BNC2: variants seen among roughly 807,000 people sequenced by gnomAD.
BNC2 encodes the protein zinc finger protein basonuclin-2.
In BNC2, 20 loss-of-function variants were observed where a neutral mutation model predicts 76.3. That is an observed-to-expected ratio of 0.26 (90% CI 0.18 to 0.38). The LOEUF (loss-of-function observed/expected upper bound fraction) is 0.38, where lower values mean the gene tolerates loss of function less well. Ranked by LOEUF, BNC2 falls within the 10% of genes least tolerant of loss-of-function variation. The probability of loss-of-function intolerance (pLI) is 1.00; values close to 1 mark genes in which losing one functional copy is unlikely to be tolerated. For missense variants in BNC2, 1,382 were observed against 1,399.8 expected (o/e 0.99, Z 0.20); for synonymous variants, 582 against 514.8 (o/e 1.13, Z -1.77).
intron 3 of BNC2, among the ~76,000 whole-genome samples, chr9:16,639,032 G>A (rs1821409512): frequency 6.6e-6 from 1 of 152,018 alleles, no homozygotes; most frequent in African/African-American, 2.4e-5. Context: ...CAAGGTTTAA[G>A]AAACTCTCAT....
chr9:16,644,647 A>C (rs1821575525), intron 3 of BNC2, among the ~76,000 whole-genome samples: 1 of 152,206 alleles, frequency 6.6e-6, no homozygotes, highest in Admixed American at 6.5e-5. Flanking sequence ...AGATGAAAGG[A>C]AAGATGTAAT....
At chr9:16,836,821 T>A (rs1818718589) in intron 1 of BNC2, among the ~76,000 whole-genome samples, 1 of 152,046 alleles carries the variant, frequency 6.6e-6, no homozygotes, top group Non-Finnish European at 1.5e-5. Flanking sequence ...AAGAAAAATA[T>A]ATAGGCAAAT....
intron 5 of BNC2, among the ~76,000 whole-genome samples, chr9:16,498,202 CCA>C (rs1822439205): frequency 1.6e-5 from 2 of 124,130 alleles, no homozygotes; most frequent in Non-Finnish European, 1.6e-5. Flanking sequence ...TATATATATT[CCA>C]TCATATATAT....
intron 1 of BNC2, among the ~76,000 whole-genome samples, chr9:16,759,802 C>A (rs975808187): frequency 6.6e-6 from 1 of 151,804 alleles, no homozygotes; most frequent in Non-Finnish European, 1.5e-5. Context: ...CGGCTCACTG[C>A]CTGCTCCGCC....
rs10962462 is a variant in BNC2, at chr9:16,504,058, T to C, written c.669+48472A>G. 8.7e-3 allele frequency among the ~76,000 whole-genome samples: 1,331 copies of C among 152,242 alleles called. 19 individuals are homozygous for C. The highest frequency in any genetic ancestry group is 0.03 in the African/African-American group (1,240 of 41,536). ...ACCTACAGGCAAGTCGGAATCCATA[T>C]GGCAAATTTAAGCAAAAACACATCA... On this transcript the variant is annotated intron_variant, in intron 5 of 6. Coordinates refer to ENST00000380672, the MANE Select transcript of BNC2 (RefSeq NM_017637.6).
intron 1 of BNC2, among the ~76,000 whole-genome samples, chr9:16,823,579 G>C (rs756726507): frequency 6.6e-6 from 1 of 151,604 alleles, no homozygotes; most frequent in Non-Finnish European, 1.5e-5. Context: ...CTCTAGCCTG[G>C]GCAACAGAGT....
intron 3 of BNC2, among the ~76,000 whole-genome samples, chr9:16,700,828 G>T (rs72706007): frequency 0.028 from 4,309 of 152,144 alleles, 74 homozygotes; most frequent in Middle Eastern, 0.082. Flanking sequence ...TTAACTGAGC[G>T]TGGTGGCACA....
At chr9:16,844,718 C>G (rs1391520693) in intron 1 of BNC2, among the ~76,000 whole-genome samples, 4 of 152,046 alleles carry the variant, frequency 2.6e-5, no homozygotes, top group Admixed American at 6.6e-5. Flanking sequence ...AGGCTGGTCT[C>G]GGACTCCTTA....
chr9:16,440,231 A>C (rs1821098143), intron 5 of BNC2, among the ~76,000 whole-genome samples: 1 of 152,166 alleles, frequency 6.6e-6, no homozygotes, highest in Admixed American at 6.5e-5. Flanking sequence ...CCAGGAGTTG[A>C]ACACAAAAAT....
rs145441986 is a variant in BNC2 at position 16,546,470 on chromosome 9, A to G, written c.669+6060T>C. ...AGCTGAAATCTTACTAACTAGGTAC[A>G]AAACCTTTGTTTTTATGCTCAACTA... is the stretch of plus-strand genomic sequence containing the variant. On this transcript the variant is annotated intron_variant, in intron 5 of 6. Transcript: ENST00000380672. Among the ~76,000 whole-genome samples, 3 of 152,288 alleles carry G rather than the reference A, an allele frequency of 2.0e-5. No homozygotes were observed. The East Asian group carries it at 5.8e-4, about 29-fold the overall frequency.
intron 3 of BNC2, among the ~76,000 whole-genome samples, chr9:16,585,296 C>T (rs1819737791): frequency 6.6e-6 from 1 of 152,040 alleles, no homozygotes; most frequent in Non-Finnish European, 1.5e-5. Context: ...ATTTTGTCTT[C>T]CTAAATAACT....
chr9:16,543,754 C>T (rs959054931), intron 5 of BNC2, among the ~76,000 whole-genome samples: 2 of 152,212 alleles, frequency 1.3e-5, no homozygotes, highest in South Asian at 2.1e-4. Flanking sequence ...CTGTATTCCA[C>T]TTCCAGCTTT....
intron 3 of BNC2, among the ~76,000 whole-genome samples, chr9:16,597,984 G>C (rs1000099579): frequency 6.6e-6 from 1 of 152,072 alleles, no homozygotes; most frequent in Non-Finnish European, 1.5e-5. Flanking sequence ...CTCAGTCCAG[G>C]TATATGTGCT....
intron 5 of BNC2, among the ~76,000 whole-genome samples, chr9:16,445,576 A>C (rs1821215489): frequency 1.3e-5 from 2 of 152,092 alleles, no homozygotes; most frequent in Non-Finnish European, 2.9e-5. Flanking sequence ...ATTTTGCAGA[A>C]TTTCTCAACA....
chr9:16,684,429 G>A (rs1009362245), intron 3 of BNC2, among the ~76,000 whole-genome samples: 4 of 152,032 alleles, frequency 2.6e-5, no homozygotes, highest in African/African-American at 4.8e-5. Context: ...CAGAGCTCAG[G>A]TGGTCTTCCC....
At chr9:16,531,421 G>C (rs1425336018) in intron 5 of BNC2, among the ~76,000 whole-genome samples, 1 of 151,488 alleles carries the variant, frequency 6.6e-6, no homozygotes, top group Non-Finnish European at 1.5e-5. Flanking sequence ...AAAAAACCAA[G>C]CGAGAGAGGG....
At chr9:16,716,660 C>T (rs1720991257) in intron 3 of BNC2, among the ~76,000 whole-genome samples, 2 of 152,168 alleles carry the variant, frequency 1.3e-5, no homozygotes, top group Admixed American at 1.3e-4. Flanking sequence ...TACTACAGTA[C>T]AGAAATGCTT....
Position 16,426,751 on chromosome 9 carries a change from C to T in BNC2, c.2640-7102G>A, listed in dbSNP as rs557540460. Among the ~76,000 whole-genome samples the T allele has an allele frequency of 2.0e-5, 3 of 151,302 alleles. No homozygotes were observed. In the East Asian group the frequency reaches 5.8e-4, roughly 29 times the overall value. On this transcript the variant is annotated intron_variant, in intron 6 of 6. Transcript: ENST00000380672. ...TACTAAATGTTTTAATATTTAGAAA[C>T]GGATGATTTTTGTGAAGTTCTTTTT...
At chr9:16,743,955 A>AGTTT (rs111863200) in intron 1 of BNC2, among the ~76,000 whole-genome samples, 32,823 of 150,522 alleles carry the variant, frequency 0.22, 5,206 homozygotes, top group African/African-American at 0.43. Flanking sequence ...TACAGACTGC[A>AGTTT]GTTTGTTTGT....
Sources: gnomAD v4.1 joint callset for allele counts (sites outside exome capture counted in the v4.1 genomes callset) on GRCh38, gnomAD v4.1.1 for gene constraint, MANE v1.5 for transcripts, NCBI Gene and HGNC (gene_info 2026-07-23, HGNC 2026-07-21) for gene names.